CREB3L2: variants seen among roughly 807,000 people sequenced by gnomAD.
CREB3L2 encodes cyclic AMP-responsive element-binding protein 3-like protein 2.
A neutral mutation model predicts 57.2 loss-of-function variants in CREB3L2; 23 were observed. That is an observed-to-expected ratio of 0.40 (90% CI 0.29 to 0.57). CREB3L2 has a LOEUF of 0.57. Ranked by LOEUF, CREB3L2 falls within the 20% of genes least tolerant of loss-of-function variation. The pLI is 0.42. For missense variants in CREB3L2, 628 were observed against 634.7 expected, an observed-to-expected ratio of 0.99 and a Z score of 0.11; for synonymous variants, 268 against 265.1, an observed-to-expected ratio of 1.01 and a Z score of -0.11.
Position 137,879,812 on chromosome 7 carries a change from G to C in CREB3L2, c.*664C>G, listed in dbSNP as rs1477544162. 8.5e-6 allele frequency: 2 copies of C among 235,298 alleles called. No individual in the cohort carries two copies. The highest frequency in any genetic ancestry group is 4.4e-5 in the African/African-American group (2 of 45,324). The allele number at this position is 235,298 out of a possible 1,614,324, so 14.6% of individuals were successfully genotyped here. On this transcript the variant is annotated 3_prime_UTR_variant, in exon 12 of 12. Coordinates refer to ENST00000330387, the MANE Select transcript of CREB3L2 (RefSeq NM_194071.4). ...GGATGTGTGGGGAACCAGGTTGTGG[G>C]AGGTCCTAAAAGCGACAAGATGGGG...
intron 6 of CREB3L2, 108 bp from the exon 7 acceptor site, chr7:137,904,125 G>A: frequency 3.4e-6 from 3 of 893,588 alleles, no homozygotes; most frequent in South Asian, 2.9e-5. Context: ...GCTTACTTCT[G>A]CAAGCTGCTT....
chr7:137,967,163 G>A (rs563582764), intron 1 of CREB3L2, among the ~76,000 whole-genome samples: 6 of 152,328 alleles, frequency 3.9e-5, no homozygotes, highest in East Asian at 1.9e-4. Flanking sequence ...GTCAGGAAGC[G>A]GGCGCTCACC....
At chr7:137,896,053 G>A (rs922015248) in intron 8 of CREB3L2, among the ~76,000 whole-genome samples, 3 of 152,190 alleles carry the variant, frequency 2.0e-5, no homozygotes, top group African/African-American at 4.8e-5. Flanking sequence ...GGGTCCCAAC[G>A]TCTTCCCTTG....
chr7:137,905,607 T>G, intron 6 of CREB3L2, 95 bp downstream of exon 6: 4 of 1,321,710 alleles, frequency 3.0e-6, no homozygotes, highest in African/African-American at 1.4e-5. Flanking sequence ...CACCATGGGA[T>G]GGGGTAGTGC....
intron 1 of CREB3L2, among the ~76,000 whole-genome samples, chr7:137,982,046 G>C (rs897001633): frequency 6.6e-6 from 1 of 151,912 alleles, no homozygotes; most frequent in Non-Finnish European, 1.5e-5. Flanking sequence ...TGAGGTGGGG[G>C]GTATGCTGGT....
intron 1 of CREB3L2, among the ~76,000 whole-genome samples, chr7:137,993,493 A>G (rs889507609): frequency 2.6e-5 from 4 of 152,194 alleles, no homozygotes; most frequent in Non-Finnish European, 5.9e-5. Context: ...CGTTTACAAG[A>G]ATCCAGAGTT....
At chr7:137,987,451 A>C (rs1585678827) in intron 1 of CREB3L2, among the ~76,000 whole-genome samples, 1 of 152,374 alleles carries the variant, frequency 6.6e-6, no homozygotes, top group Non-Finnish European at 1.5e-5. Context: ...TTTGTGGCCA[A>C]TCTGGCTTCT....
rs1315530555 is a variant in CREB3L2, at chr7:137,967,316, T to C, written c.102+34288A>G. 3.3e-5 allele frequency among the ~76,000 whole-genome samples: 5 copies of C among 152,182 alleles called. No individual in the cohort carries two copies. The East Asian group carries it at 9.6e-4, about 29-fold the overall frequency. On this transcript the variant is annotated intron_variant, in intron 1 of 11. Coordinates refer to ENST00000330387, the MANE Select transcript of CREB3L2 (RefSeq NM_194071.4). The stretch of plus-strand genomic sequence containing the variant: ...GACCAAGGCAAAAGGTGAGTGAATC[T>C]CCATCAGCCTAGCAGTTTGGACTCT...
chr7:137,963,797 A>G (rs1050062710), intron 1 of CREB3L2, among the ~76,000 whole-genome samples: 2 of 152,208 alleles, frequency 1.3e-5, no homozygotes, highest in Non-Finnish European at 2.9e-5. Flanking sequence ...ATTTGTTTTT[A>G]TAAGTTTAAA....
chr7:137,915,708 A>G, intron 3 of CREB3L2, 129 bp downstream of exon 3: 1 of 713,996 alleles, frequency 1.4e-6, no homozygotes, highest in Non-Finnish European at 2.3e-6. Flanking sequence ...ATATACACAC[A>G]TATGAAGTTG....
chr7:137,891,121 T>G (rs1483769015), intron 8 of CREB3L2, among the ~76,000 whole-genome samples: 2 of 152,214 alleles, frequency 1.3e-5, no homozygotes, highest in Non-Finnish European at 2.9e-5. Context: ...GTCCAACACT[T>G]GATTGAAAAT....
intron 1 of CREB3L2, among the ~76,000 whole-genome samples, chr7:137,969,631 G>A (rs576003643): frequency 6.6e-6 from 1 of 152,002 alleles, no homozygotes; most frequent in South Asian, 2.1e-4. Flanking sequence ...GATTACAGGC[G>A]TGAGCCACCG....
At chr7:137,922,439 T>TATATATATATATATATATAC (rs1800341314) in intron 2 of CREB3L2, among the ~76,000 whole-genome samples, 1 of 10,386 alleles carries the variant, frequency 9.6e-5, no homozygotes, top group Non-Finnish European at 1.6e-4. Context: ...TATATATACG[T>TATATATATATATATATATAC]ATATATATAT....
chr7:137,961,382 G>A (rs2117286662), intron 1 of CREB3L2, among the ~76,000 whole-genome samples: 1 of 152,226 alleles, frequency 6.6e-6, no homozygotes, highest in Middle Eastern at 3.4e-3. Context: ...CCCTCCCCCT[G>A]CACAGTCAAA....
At chr7:137,883,203 T>G (rs1380743962) in intron 10 of CREB3L2, among the ~76,000 whole-genome samples, 3 of 152,204 alleles carry the variant, frequency 2.0e-5, no homozygotes, top group Non-Finnish European at 4.4e-5. Context: ...TTTAGAGAGA[T>G]AGTTCCTTGG....
At chr7:137,953,308 G>A (rs1035545378) in intron 1 of CREB3L2, 5 of 391,300 alleles carry the variant, frequency 1.3e-5, no homozygotes, top group East Asian at 1.4e-4. Context: ...CCTGCTTACC[G>A]CTTAGTTGAT....
intron 4 of CREB3L2, among the ~76,000 whole-genome samples, chr7:137,909,730 C>CA (rs897351452): frequency 7.2e-5 from 11 of 152,112 alleles, no homozygotes; most frequent in African/African-American, 2.7e-4. Context: ...ACAACTGACC[C>CA]AAAAAAGATG....
intron 2 of CREB3L2, 43 bp from the exon 3 acceptor site, chr7:137,916,055 C>A: frequency 7.2e-6 from 11 of 1,537,902 alleles, no homozygotes; most frequent in Non-Finnish European, 8.8e-6. Context: ...TTGTTCAGGG[C>A]ATCAGGCATA....
rs189720289 is a variant in CREB3L2 at position 137,879,778 on chromosome 7, C to A, written c.*698G>T. The stretch of plus-strand genomic sequence containing the variant: ...AACTGGGGAGGAGAAGCTGGGGAGG[C>A]AGAACTATGGATGTGTGGGGAACCA... On this transcript the variant is annotated 3_prime_UTR_variant, in exon 12 of 12. Coordinates refer to ENST00000330387, the MANE Select transcript of CREB3L2 (RefSeq NM_194071.4). The A allele has an allele frequency of 8.5e-6, 2 of 235,036 alleles. No individual in the cohort carries two copies. The highest frequency in any genetic ancestry group is 5.5e-5 in the Admixed American group (1 of 18,034). The allele number at this position is 235,036 out of a possible 1,614,324, so 14.6% of individuals were successfully genotyped here.
Sources: allele counts gnomAD v4.1 joint callset (sites outside exome capture counted in the v4.1 genomes callset), GRCh38; gene constraint gnomAD v4.1.1; transcripts MANE v1.5; gene names NCBI Gene and HGNC (gene_info 2026-07-23, HGNC 2026-07-21).